Variants in RALYL observed in about 807,000 individuals in gnomAD.
RALYL encodes the protein RALY RNA binding protein like, also known as RNA-binding Raly-like protein.
Under a neutral mutation model 35.1 loss-of-function variants are expected in RALYL, and 29 were observed. The observed-to-expected ratio is 0.83, with a 90% CI of 0.61 to 1.13. The LOEUF (loss-of-function observed/expected upper bound fraction) is 1.13. Among genes scored for constraint, RALYL ranks in the 50% most tolerant of loss-of-function variants. The pLI, the probability that RALYL is intolerant of heterozygous loss-of-function variation, is 0.00. For missense variants in RALYL, 359 were observed against 360.4 expected (o/e 1.00, Z 0.03); for synonymous variants, 120 against 127.6 (o/e 0.94, Z 0.40).
intron 4 of RALYL, among the ~76,000 whole-genome samples, chr8:84,831,607 T>C (rs1414699640): frequency 6.6e-6 from 1 of 152,142 alleles, no homozygotes; most frequent in Non-Finnish European, 1.5e-5. Context: ...TCACTGAAAA[T>C]GACTATGTAG....
chr8:84,688,543 T>C (rs563368591), intron 2 of RALYL, among the ~76,000 whole-genome samples: 1 of 152,124 alleles, frequency 6.6e-6, no homozygotes, highest in Non-Finnish European at 1.5e-5. Flanking sequence ...AAAAACTTGA[T>C]TCTTGTTTTA....
intron 1 of RALYL, among the ~76,000 whole-genome samples, chr8:84,210,305 A>G (rs1465264270): frequency 6.6e-6 from 1 of 152,058 alleles, no homozygotes; most frequent in Non-Finnish European, 1.5e-5. Context: ...TTGACAGCTG[A>G]TAAATCTTTA....
intron 2 of RALYL, among the ~76,000 whole-genome samples, chr8:84,675,235 A>T (rs914131962): frequency 1.3e-5 from 2 of 152,154 alleles, no homozygotes; most frequent in African/African-American, 4.8e-5. Context: ...TGCTTATTAA[A>T]TGTTCTTATT....
chr8:84,836,543 T>A (rs1273854303), intron 4 of RALYL, among the ~76,000 whole-genome samples: 1 of 152,228 alleles, frequency 6.6e-6, no homozygotes, highest in Non-Finnish European at 1.5e-5. Context: ...GTTTTTGAAT[T>A]TTGTATATAT....
rs141237193 is a variant in RALYL at position 84,582,797 on chromosome 8, G to A, written c.256+53220G>A. Among the ~76,000 whole-genome samples, 316 of 152,020 alleles carry A rather than the reference G, an allele frequency of 2.1e-3. 1 individual carries two copies. Among genetic ancestry groups the A allele is most frequent in the African/African-American group, 4.6e-3 (189 of 41,478 alleles). ...GATGATTTGCTCTATAATTGTTGGT[G>A]TGGTATAGAATCTATAAGGTCAATT... On this transcript the variant is annotated intron_variant, in intron 2 of 8. Coordinates refer to ENST00000521268, the MANE Select transcript of RALYL (RefSeq NM_173848.7).
chr8:84,841,702 C>A (rs1420233108), intron 4 of RALYL, among the ~76,000 whole-genome samples: 1 of 152,062 alleles, frequency 6.6e-6, no homozygotes, highest in Non-Finnish European at 1.5e-5. Context: ...TTCCAAAATT[C>A]ACCACATAGT....
chr8:84,579,374 G>A (rs1810300829), intron 2 of RALYL, among the ~76,000 whole-genome samples: 1 of 152,174 alleles, frequency 6.6e-6, no homozygotes, highest in African/African-American at 2.4e-5. Flanking sequence ...AAGAGTGCAG[G>A]GATCCCTGGT....
intron 1 of RALYL, among the ~76,000 whole-genome samples, chr8:84,497,139 T>C (rs568338432): frequency 6.6e-6 from 1 of 152,246 alleles, no homozygotes; most frequent in South Asian, 2.1e-4. Context: ...CTTAGAATTT[T>C]CCTACCTTGT....
At chr8:84,877,303 A>G (rs998278300) in intron 7 of RALYL, among the ~76,000 whole-genome samples, 1 of 152,046 alleles carries the variant, frequency 6.6e-6, no homozygotes, top group African/African-American at 2.4e-5. Context: ...CCTGGCCAAC[A>G]TGGTGAAACC....
At chr8:84,649,418 A>G (rs1407309878) in intron 2 of RALYL, among the ~76,000 whole-genome samples, 2 of 151,674 alleles carry the variant, frequency 1.3e-5, no homozygotes, top group Admixed American at 6.6e-5. Flanking sequence ...TTTTAGGTCT[A>G]ACGTTTAAGT....
intron 2 of RALYL, among the ~76,000 whole-genome samples, chr8:84,646,118 G>A (rs770457281): frequency 1.8e-4 from 27 of 151,690 alleles, no homozygotes; most frequent in East Asian, 2.0e-4. Flanking sequence ...TGCAAATCTC[G>A]GACATCCTTT....
intron 8 of RALYL, among the ~76,000 whole-genome samples, chr8:84,900,761 T>C (rs1264547946): frequency 6.6e-6 from 1 of 152,096 alleles, no homozygotes; most frequent in African/African-American, 2.4e-5. Context: ...TTTACAAGCA[T>C]GTAAGGTAGC....
chr8:84,876,044 C>T (rs556375775), intron 7 of RALYL, among the ~76,000 whole-genome samples: 28 of 152,078 alleles, frequency 1.8e-4, no homozygotes, highest in South Asian at 4.2e-4. Flanking sequence ...TTTTTGGAAG[C>T]GAACTCCTAA....
chr8:84,356,125 G>A (rs1851789395), intron 1 of RALYL, among the ~76,000 whole-genome samples: 1 of 150,114 alleles, frequency 6.7e-6, no homozygotes, highest in Non-Finnish European at 1.5e-5. Context: ...TAAGTTTCCT[G>A]AGGTCTCCCA....
intron 2 of RALYL, among the ~76,000 whole-genome samples, chr8:84,743,447 A>G (rs1217252540): frequency 6.6e-6 from 1 of 152,018 alleles, no homozygotes; most frequent in African/African-American, 2.4e-5. Context: ...ACAAAAAAAA[A>G]AAGTGTCTCT....
intron 3 of RALYL, among the ~76,000 whole-genome samples, chr8:84,778,784 C>G (rs892762509): frequency 1.2e-4 from 18 of 152,230 alleles, no homozygotes; most frequent in Admixed American, 1.2e-3. Flanking sequence ...GGTGACTGAT[C>G]GGAAATGGGG....
intron 2 of RALYL, among the ~76,000 whole-genome samples, chr8:84,533,504 G>T (rs971792570): frequency 1.2e-4 from 19 of 152,100 alleles, no homozygotes; most frequent in Admixed American, 3.9e-4. Context: ...TTTATATTCG[G>T]ATTATTTTAC....
intron 1 of RALYL, among the ~76,000 whole-genome samples, chr8:84,442,828 C>A (rs143457241): frequency 6.6e-6 from 1 of 152,194 alleles, no homozygotes; most frequent in Non-Finnish European, 1.5e-5. Flanking sequence ...TGCCACTTAC[C>A]GAGTGACAGC....
At chr8:84,427,627 T>C (rs1185349355) in intron 1 of RALYL, among the ~76,000 whole-genome samples, 1 of 152,190 alleles carries the variant, frequency 6.6e-6, no homozygotes, top group East Asian at 1.9e-4. Context: ...CCATATGTAT[T>C]ACTCATCTTC....
Sources: allele counts gnomAD v4.1 joint callset (sites outside exome capture counted in the v4.1 genomes callset), GRCh38; gene constraint gnomAD v4.1.1; transcripts MANE v1.5; gene names NCBI Gene and HGNC (gene_info 2026-07-23, HGNC 2026-07-21).